The following RIMBP2 variants were observed in gnomAD, a reference collection of about 807,000 sequenced individuals.
RIMBP2 encodes RIMS binding protein 2, also known as RIMS-binding protein 2.
RIMBP2 carries 48 observed loss-of-function variants against 118.6 expected under a neutral mutation model. The observed-to-expected ratio is 0.40, with a 90% CI of 0.32 to 0.51. The LOEUF (loss-of-function observed/expected upper bound fraction) is 0.51, where lower values mean the gene tolerates loss of function less well. Among genes scored for constraint, RIMBP2 ranks in the 20% least tolerant of loss-of-function variants. RIMBP2 has a pLI of 0.41. For missense variants in RIMBP2, 1,551 were observed against 1,768.3 expected (o/e 0.88, Z 2.20); for synonymous variants, 762 against 742.9 (o/e 1.03, Z -0.42).
At chr12:130,652,830 G>A (rs1281349131) in intron 1 of RIMBP2, among the ~76,000 whole-genome samples, 2 of 152,114 alleles carry the variant, frequency 1.3e-5, no homozygotes, top group African/African-American at 4.8e-5. Flanking sequence ...ACATCACGTG[G>A]CAAGAATGGG....
chr12:130,474,783 C>T (rs759786740), intron 5 of RIMBP2, among the ~76,000 whole-genome samples: 9 of 152,266 alleles, frequency 5.9e-5, no homozygotes, highest in African/African-American at 1.7e-4. Context: ...AAGGAGGCCA[C>T]GACTGCACTC....
intron 1 of RIMBP2, among the ~76,000 whole-genome samples, chr12:130,665,541 G>A (rs1235192967): frequency 2.0e-5 from 3 of 151,480 alleles, no homozygotes; most frequent in Non-Finnish European, 4.4e-5. Context: ...GCGAGACCCT[G>A]CCTCAAAACA....
Position 130,442,570 on chromosome 12 carries a change from C to T in RIMBP2, c.782G>A (p.Gly261Glu). ...DNESRLASTL[G>E]NEQDQNFINH... ...GATGAAGTTCTGATCCTGCTCGTTC[C>T]CCAGCGTGCTTGCCAACCGCGACTC... Residue 261 changes from glycine to glutamate, a missense_variant, in exon 11 of 23, where the codon GGG becomes GAG. Coordinates refer to ENST00000690449, the MANE Select transcript of RIMBP2 (RefSeq NM_001393629.1). This position sits in a 1 kb window ranked among gnomAD's most constrained non-coding sequence, Gnocchi z 6.9. The T allele has an allele frequency of 3.1e-6, 5 of 1,614,214 alleles. No individual in the cohort carries two copies. Among genetic ancestry groups the T allele is most frequent in the Non-Finnish European group, 4.2e-6 (5 of 1,180,042 alleles).
chr12:130,508,984 C>G (rs1257381771), intron 3 of RIMBP2, among the ~76,000 whole-genome samples: 1 of 152,118 alleles, frequency 6.6e-6, no homozygotes, highest in African/African-American at 2.4e-5. Context: ...TACCATCCGG[C>G]TTCTAATCAG....
intron 2 of RIMBP2, among the ~76,000 whole-genome samples, chr12:130,596,144 C>T (rs775163397): frequency 9.2e-5 from 14 of 152,112 alleles, no homozygotes; most frequent in East Asian, 1.9e-4. Context: ...AATGTGCGCA[C>T]GGTTCCAACT....
At chr12:130,476,386 C>T (rs553043361) in intron 5 of RIMBP2, among the ~76,000 whole-genome samples, 3 of 152,176 alleles carry the variant, frequency 2.0e-5, no homozygotes, top group Non-Finnish European at 2.9e-5. Context: ...AGTCCAAAGA[C>T]GACTGGTGAC....
chr12:130,673,690 T>G (rs965751046), intron 1 of RIMBP2, among the ~76,000 whole-genome samples: 1 of 152,078 alleles, frequency 6.6e-6, no homozygotes, highest in African/African-American at 2.4e-5. Flanking sequence ...AAATCTGAGG[T>G]CAAATTGTAT....
chr12:130,643,264 A>C (rs1345043466), intron 1 of RIMBP2, among the ~76,000 whole-genome samples: 1 of 152,232 alleles, frequency 6.6e-6, no homozygotes, highest in Non-Finnish European at 1.5e-5. Flanking sequence ...TGCACGGGCC[A>C]CAGCAGCAGC....
At chr12:130,658,310 C>G (rs2063512140) in intron 1 of RIMBP2, 1 of 152,232 alleles carries the variant, frequency 6.6e-6, no homozygotes, top group Admixed American at 6.5e-5. Flanking sequence ...CTAGCAGCCA[C>G]TGGTCCCGAA....
intron 8 of RIMBP2, 32 bp downstream of exon 8, chr12:130,451,163 A>AG (rs1409070997): frequency 6.2e-7 from 1 of 1,606,622 alleles, no homozygotes; most frequent in South Asian, 1.1e-5. Flanking sequence ...CAGCACAGGC[A>AG]GCCCCGGCAG....
chr12:130,682,202 G>A (rs959328469), intron 1 of RIMBP2, among the ~76,000 whole-genome samples: 3 of 152,080 alleles, frequency 2.0e-5, no homozygotes, highest in African/African-American at 4.8e-5. Flanking sequence ...AGCCTCGTCC[G>A]CCCTCCCTTC....
At chr12:130,409,775 T>C (rs942060002) in intron 19 of RIMBP2, among the ~76,000 whole-genome samples, 1 of 152,144 alleles carries the variant, frequency 6.6e-6, no homozygotes, top group African/African-American at 2.4e-5. Flanking sequence ...GCCTTCGTTC[T>C]GTTTCTGTCA....
intron 2 of RIMBP2, among the ~76,000 whole-genome samples, chr12:130,532,080 C>T (rs551718393): frequency 6.9e-4 from 91 of 131,622 alleles, no homozygotes; most frequent in African/African-American, 2.4e-3. Flanking sequence ...TAATGAGATG[C>T]GTATGTTTAG....
intron 4 of RIMBP2, among the ~76,000 whole-genome samples, chr12:130,488,212 A>G (rs539544315): frequency 1.3e-5 from 2 of 152,258 alleles, no homozygotes; most frequent in South Asian, 2.1e-4. Context: ...CAGAGACATA[A>G]GCTGGTTCTC....
At chr12:130,409,322 C>T (rs1246837550) in intron 19 of RIMBP2, among the ~76,000 whole-genome samples, 1 of 124,232 alleles carries the variant, frequency 8.0e-6, no homozygotes, top group Non-Finnish European at 1.7e-5. Context: ...GGGACTCATA[C>T]AAAATGTAGC....
chr12:130,662,724 G>A (rs2136358447), intron 1 of RIMBP2, among the ~76,000 whole-genome samples: 1 of 152,138 alleles, frequency 6.6e-6, no homozygotes, highest in South Asian at 2.1e-4. Flanking sequence ...AAGAGGCCAA[G>A]GCAGGAGGAT....
At chr12:130,694,050 C>T (rs1307941833) in intron 1 of RIMBP2, among the ~76,000 whole-genome samples, 2 of 152,180 alleles carry the variant, frequency 1.3e-5, no homozygotes, top group African/African-American at 4.8e-5. Context: ...GAATATAAAC[C>T]CTTCTCTTGT....
At chr12:130,673,157 C>T (rs944382320) in intron 1 of RIMBP2, among the ~76,000 whole-genome samples, 2 of 152,214 alleles carry the variant, frequency 1.3e-5, no homozygotes, top group African/African-American at 4.8e-5. Flanking sequence ...TTAGAACATC[C>T]ACACATCGCT....
chr12:130,424,204 G>A lies in RIMBP2; in HGVS notation c.3067C>T (p.Pro1023Ser), dbSNP rs1321710409. 1.9e-5 allele frequency: 23 copies of A among 1,231,944 alleles called. No individual in the cohort carries two copies. Among genetic ancestry groups the A allele is most frequent in the African/African-American group, 4.7e-5 (3 of 64,392 alleles). 76.3% of individuals were successfully genotyped at this position (1,231,944 alleles called of 1,614,324 possible). A position where few individuals can be genotyped will look rare whatever the true frequency, so the allele number is the denominator to read the frequency against. ...TGGGGGGCAGCTGCCCTACTGTCGG[G>A]CATGGTTATGCTTTTCTTCCAGACA... is the stretch of plus-strand genomic sequence containing the variant. ...RGVWKKSITMPDSRAAAPHAK... is the reference protein window; with the variant it reads ...RGVWKKSITMSDSRAAAPHAK... The change falls in exon 16 of 23, where the codon CCC becomes TCC. Residue 1023 changes from proline to serine, a missense_variant. Transcript: ENST00000690449. This position sits in a 1 kb window ranked among gnomAD's most constrained non-coding sequence, Gnocchi z 9.8.
Sources: gnomAD v4.1 joint callset for allele counts (sites outside exome capture counted in the v4.1 genomes callset) on GRCh38, gnomAD v4.1.1 for gene constraint, Gnocchi (gnomAD v3.1) non-coding constraint, MANE v1.5 for transcripts, NCBI Gene and HGNC (gene_info 2026-07-23, HGNC 2026-07-21) for gene names.